Variants in CDH4 observed in about 807,000 individuals in gnomAD.
CDH4 encodes cadherin-4.
A neutral mutation model predicts 86.0 loss-of-function variants in CDH4; 33 were observed. The observed-to-expected ratio is 0.38, with a 90% CI of 0.29 to 0.51. The LOEUF (loss-of-function observed/expected upper bound fraction) is 0.51, where lower values mean the gene tolerates loss of function less well. CDH4 is among the 20% of genes least tolerant of loss of function. The pLI is 0.86. For synonymous variants in CDH4, 555 were observed against 549.4 expected (o/e 1.01, Z -0.14); for missense variants, 1,114 against 1,307.4 (o/e 0.85, Z 2.28).
chr20:61,583,150 CGGAGGGA>C (rs2086442294), intron 2 of CDH4, among the ~76,000 whole-genome samples: 1 of 66,394 alleles, frequency 1.5e-5, no homozygotes, highest in Non-Finnish European at 3.0e-5. Context: ...GAGGGCTCTG[CGGAGGGA>C]CAGAGGGCTC....
intron 2 of CDH4, among the ~76,000 whole-genome samples, chr20:61,616,007 C>A (rs751935951): frequency 6.6e-6 from 1 of 152,208 alleles, no homozygotes; most frequent in Admixed American, 6.5e-5. Flanking sequence ...GGATGAGGGA[C>A]GTGGCTGCTG....
intron 4 of CDH4, among the ~76,000 whole-genome samples, chr20:61,834,195 C>G (rs914862876): frequency 2.6e-5 from 4 of 152,238 alleles, no homozygotes; most frequent in African/African-American, 9.6e-5. Flanking sequence ...ACGGCAACCT[C>G]CTTCTCGGGC....
chr20:61,274,239 T>C (rs1600823837), intron 2 of CDH4, among the ~76,000 whole-genome samples: 1 of 111,692 alleles, frequency 9.0e-6, no homozygotes, highest in Non-Finnish European at 1.7e-5. Context: ...TTTGGGAGAG[T>C]ACCATGTACA....
intron 4 of CDH4, among the ~76,000 whole-genome samples, chr20:61,794,187 C>T (rs1468608603): frequency 1.3e-5 from 2 of 151,556 alleles, no homozygotes; most frequent in Non-Finnish European, 2.9e-5. Context: ...GAATACCTCT[C>T]ACCCTGGCAG....
At chr20:61,735,362 G>A (rs1029022922) in intron 2 of CDH4, among the ~76,000 whole-genome samples, 1 of 152,152 alleles carries the variant, frequency 6.6e-6, no homozygotes, top group Non-Finnish European at 1.5e-5. Context: ...CAAAATGCTG[G>A]GCCACCGTCA....
chr20:61,701,039 G>T (rs1187280012), intron 2 of CDH4, among the ~76,000 whole-genome samples: 1 of 152,192 alleles, frequency 6.6e-6, no homozygotes, highest in Non-Finnish European at 1.5e-5. Flanking sequence ...TTAAAGCCGA[G>T]GCATCGGCAG....
rs571810066 is a variant in CDH4 at position 61,845,391 on chromosome 20, G to A, written c.732+568G>A. 2.3e-4 allele frequency among the ~76,000 whole-genome samples: 35 copies of A among 152,306 alleles called. 1 individual carries two copies. Among genetic ancestry groups the A allele is most frequent in the African/African-American group, 7.2e-4 (30 of 41,568 alleles). ...GCACGGAAAGAAATGCTAGAGAGAC[G>A]TGGGGCTGCGGCCTCAGCTTCCAGG... is the stretch of plus-strand genomic sequence containing the variant. On this transcript the variant is annotated intron_variant, in intron 5 of 15. Coordinates refer to ENST00000614565, the MANE Select transcript of CDH4 (RefSeq NM_001794.5).
chr20:61,654,319 G>A (rs1327089067), intron 2 of CDH4, among the ~76,000 whole-genome samples: 3 of 152,220 alleles, frequency 2.0e-5, no homozygotes, highest in Admixed American at 6.5e-5. Context: ...CAAGCACTCG[G>A]CAGGCTGAGG....
At chr20:61,852,724 C>T in intron 5 of CDH4, 30 bp from the exon 6 acceptor site, 2 of 1,603,892 alleles carry the variant, frequency 1.2e-6, no homozygotes, top group Non-Finnish European at 1.7e-6. Flanking sequence ...GCCCACCCGC[C>T]ACTGGGCCCT....
intron 3 of CDH4, among the ~76,000 whole-genome samples, chr20:61,749,111 AG>A (rs1319653987): frequency 1.3e-5 from 2 of 152,204 alleles, no homozygotes; most frequent in Non-Finnish European, 2.9e-5. Context: ...ATAGAATCTG[AG>A]GAAAAAGCAT....
At chr20:61,620,615 G>A (rs187287960) in intron 2 of CDH4, among the ~76,000 whole-genome samples, 21 of 152,296 alleles carry the variant, frequency 1.4e-4, no homozygotes, top group African/African-American at 3.8e-4. Context: ...AAATAGTGGT[G>A]AAAATTGCTA....
At chr20:61,900,704 C>G (rs1309402379) in intron 8 of CDH4, among the ~76,000 whole-genome samples, 1 of 152,174 alleles carries the variant, frequency 6.6e-6, no homozygotes, top group Non-Finnish European at 1.5e-5. Flanking sequence ...TCCTTGGACC[C>G]GCCTGTCCAA....
At chr20:61,576,100 G>A (rs1428982946) in intron 2 of CDH4, among the ~76,000 whole-genome samples, 1 of 152,230 alleles carries the variant, frequency 6.6e-6, no homozygotes, top group Non-Finnish European at 1.5e-5. Flanking sequence ...CCCATTCGGA[G>A]GCACGCAGTG....
intron 2 of CDH4, among the ~76,000 whole-genome samples, chr20:61,712,225 G>T (rs953109500): frequency 6.6e-6 from 1 of 152,204 alleles, no homozygotes; most frequent in East Asian, 1.9e-4. Flanking sequence ...GACTTGATCC[G>T]TGTGGTGGAG....
At chr20:61,875,100 G>C (rs577701649) in intron 7 of CDH4, among the ~76,000 whole-genome samples, 17 of 152,296 alleles carry the variant, frequency 1.1e-4, no homozygotes, top group African/African-American at 4.1e-4. Flanking sequence ...CCTCCTTCCA[G>C]GTTTGGGGCT....
chr20:61,539,635 G>A (rs776943770), intron 2 of CDH4, among the ~76,000 whole-genome samples: 13 of 152,314 alleles, frequency 8.5e-5, no homozygotes, highest in Non-Finnish European at 1.2e-4. Context: ...CTAGGAATCC[G>A]AGTTGAAGTT....
At chr20:61,302,654 C>T (rs1167782577) in intron 2 of CDH4, among the ~76,000 whole-genome samples, 3 of 152,154 alleles carry the variant, frequency 2.0e-5, no homozygotes, top group Non-Finnish European at 4.4e-5. Context: ...GGGATGGCTG[C>T]AGCATTTGGG....
intron 2 of CDH4, among the ~76,000 whole-genome samples, chr20:61,388,411 T>C (rs2145460723): frequency 6.7e-6 from 1 of 149,340 alleles, no homozygotes; most frequent in African/African-American, 2.5e-5. Context: ...AGCTGCACTG[T>C]GCGGCGAGCC....
chr20:61,931,227 C>T (rs1181814675), intron 13 of CDH4, among the ~76,000 whole-genome samples: 3 of 152,238 alleles, frequency 2.0e-5, no homozygotes, highest in Admixed American at 6.5e-5. Flanking sequence ...TTGTGGCTTC[C>T]GTCGAGCCAA....
Sources: allele counts gnomAD v4.1 joint callset (sites outside exome capture counted in the v4.1 genomes callset), GRCh38; gene constraint gnomAD v4.1.1; transcripts MANE v1.5; gene names NCBI Gene and HGNC (gene_info 2026-07-23, HGNC 2026-07-21).